HS3ST5: variants seen among roughly 807,000 people sequenced by gnomAD.
HS3ST5 encodes the protein heparan sulfate-glucosamine 3-sulfotransferase 5.
In HS3ST5, 10 loss-of-function variants were observed where a neutral mutation model predicts 25.4. The ratio of observed to expected loss-of-function variants is 0.39; its 90% CI spans 0.24 to 0.67. The LOEUF (loss-of-function observed/expected upper bound fraction) is 0.67, where lower values mean the gene tolerates loss of function less well. Among genes scored for constraint, HS3ST5 ranks in the 30% least tolerant of loss-of-function variants. The probability of loss-of-function intolerance (pLI) is 0.44; values close to 1 mark genes in which losing one functional copy is unlikely to be tolerated. For synonymous variants in HS3ST5, 170 were observed against 162.4 expected, an observed-to-expected ratio of 1.05 and a Z score of -0.36; for missense variants, 324 against 420.7, an observed-to-expected ratio of 0.77 and a Z score of 2.01.
intron 1 of HS3ST5, among the ~76,000 whole-genome samples, chr6:114,339,444 G>C (rs571832749): frequency 6.6e-6 from 1 of 151,714 alleles, no homozygotes; most frequent in South Asian, 2.1e-4. Flanking sequence ...AACTACTTTT[G>C]TTAACTTGTT....
At chr6:114,132,493 A>AC (rs1777386585) in intron 3 of HS3ST5, among the ~76,000 whole-genome samples, 1 of 152,216 alleles carries the variant, frequency 6.6e-6, no homozygotes. Context: ...TCAGCCAAAT[A>AC]CCAGCAGGGC....
At chr6:114,120,590 A>G (rs995467084) in intron 3 of HS3ST5, among the ~76,000 whole-genome samples, 1 of 152,206 alleles carries the variant, frequency 6.6e-6, no homozygotes, top group African/African-American at 2.4e-5. Context: ...TTTCAGTTCA[A>G]TTGGAAAATA....
At chr6:114,208,711 T>G (rs1781385584) in intron 2 of HS3ST5, among the ~76,000 whole-genome samples, 1 of 152,190 alleles carries the variant, frequency 6.6e-6, no homozygotes, top group Non-Finnish European at 1.5e-5. Flanking sequence ...CATTCTTGTC[T>G]CCTTTACTTA....
At chr6:114,240,638 A>C (rs1040919787) in intron 1 of HS3ST5, among the ~76,000 whole-genome samples, 2 of 152,226 alleles carry the variant, frequency 1.3e-5, no homozygotes, top group Non-Finnish European at 2.9e-5. Context: ...AGTGTAAAAA[A>C]GCTCGCCATG....
chr6:114,106,089 C>T (rs1762415017), intron 3 of HS3ST5, among the ~76,000 whole-genome samples: 1 of 151,944 alleles, frequency 6.6e-6, no homozygotes, highest in Admixed American at 6.6e-5. Flanking sequence ...TATTATATTG[C>T]CTGTGGGAAA....
At chr6:114,068,483 A>C (rs746930894) in intron 3 of HS3ST5, among the ~76,000 whole-genome samples, 1 of 152,192 alleles carries the variant, frequency 6.6e-6, no homozygotes, top group Non-Finnish European at 1.5e-5. Context: ...ATTATAAAGC[A>C]TTTGAATCTG....
chr6:114,150,147 T>C (rs1021089380), intron 3 of HS3ST5, among the ~76,000 whole-genome samples: 2 of 152,266 alleles, frequency 1.3e-5, no homozygotes, highest in Non-Finnish European at 2.9e-5. Flanking sequence ...CTGCTCAATA[T>C]TGTCACATAA....
intron 1 of HS3ST5, among the ~76,000 whole-genome samples, chr6:114,266,991 A>G (rs1773431024): frequency 6.6e-6 from 1 of 152,182 alleles, no homozygotes; most frequent in African/African-American, 2.4e-5. Flanking sequence ...ATTTTATTGC[A>G]TCTTATTATT....
chr6:114,330,597 C>A (rs779167783), intron 1 of HS3ST5, among the ~76,000 whole-genome samples: 2 of 152,128 alleles, frequency 1.3e-5, no homozygotes, highest in Admixed American at 6.6e-5. Flanking sequence ...CTCACATGAG[C>A]ATCCACAGGT....
chr6:114,272,283 A>C (rs966180420), intron 1 of HS3ST5, among the ~76,000 whole-genome samples: 2 of 152,050 alleles, frequency 1.3e-5, no homozygotes, highest in South Asian at 4.1e-4. Context: ...AGGAGTGTTC[A>C]TTTTATTCTA....
intron 3 of HS3ST5, chr6:114,084,085 C>CTT (rs367546368): frequency 3.9e-3 from 1,786 of 460,212 alleles, no homozygotes; most frequent in South Asian, 6.1e-3. Flanking sequence ...ATTTTCTTTT[C>CTT]TTTTTTTTTT....
At chr6:114,109,676 T>C (rs1776170796) in intron 3 of HS3ST5, among the ~76,000 whole-genome samples, 1 of 152,224 alleles carries the variant, frequency 6.6e-6, no homozygotes, top group African/African-American at 2.4e-5. Flanking sequence ...CTGCTGTTCA[T>C]GAGAGGTGTA....
At chr6:114,127,173 G>T (rs1777082243) in intron 3 of HS3ST5, among the ~76,000 whole-genome samples, 1 of 152,106 alleles carries the variant, frequency 6.6e-6, no homozygotes, top group Non-Finnish European at 1.5e-5. Context: ...GATCATTTGA[G>T]GTCAGGAGTT....
chr6:114,333,089 G>A (rs1021400101), intron 1 of HS3ST5, among the ~76,000 whole-genome samples: 5 of 152,188 alleles, frequency 3.3e-5, no homozygotes, highest in Non-Finnish European at 5.9e-5. Context: ...AAGCATTGAA[G>A]AGGATGGAGA....
At chr6:114,326,838 T>A (rs1562277001) in intron 1 of HS3ST5, among the ~76,000 whole-genome samples, 1 of 152,144 alleles carries the variant, frequency 6.6e-6, no homozygotes, top group Non-Finnish European at 1.5e-5. Context: ...CAGTGAAGAA[T>A]CTTCTATTCT....
At chr6:114,229,841 A>G (rs1175925762) in intron 1 of HS3ST5, among the ~76,000 whole-genome samples, 1 of 152,210 alleles carries the variant, frequency 6.6e-6, no homozygotes, top group Non-Finnish European at 1.5e-5. Context: ...GTAAAAGACA[A>G]TGGAAGTCCA....
intron 3 of HS3ST5, among the ~76,000 whole-genome samples, chr6:114,093,671 C>A (rs1445668089): frequency 6.6e-6 from 1 of 151,904 alleles, no homozygotes; most frequent in Non-Finnish European, 1.5e-5. Context: ...AGTATCTATT[C>A]ATCATGACTT....
chr6:114,254,886 G>A (rs1772833708), intron 1 of HS3ST5, among the ~76,000 whole-genome samples: 1 of 152,152 alleles, frequency 6.6e-6, no homozygotes. Flanking sequence ...AATTCAAGAT[G>A]AGATTTGGGT....
intron 3 of HS3ST5, among the ~76,000 whole-genome samples, chr6:114,161,094 A>G (rs1048714604): frequency 6.6e-6 from 1 of 152,148 alleles, no homozygotes; most frequent in Non-Finnish European, 1.5e-5. Context: ...ACTAAATGAC[A>G]GTGAATCTTG....
Sources: gnomAD v4.1 joint callset for allele counts (sites outside exome capture counted in the v4.1 genomes callset) on GRCh38, gnomAD v4.1.1 for gene constraint, MANE v1.5 for transcripts, NCBI Gene and HGNC (gene_info 2026-07-23, HGNC 2026-07-21) for gene names.